The following ZBTB7C variants were observed in gnomAD, a reference collection of about 807,000 sequenced individuals.
ZBTB7C encodes the protein zinc finger and BTB domain-containing protein 7C.
Under a neutral mutation model 25.7 loss-of-function variants are expected in ZBTB7C, and 8 were observed. That is an observed-to-expected ratio of 0.31 (90% CI 0.18 to 0.56). ZBTB7C has a LOEUF of 0.56. Ranked by LOEUF, ZBTB7C falls within the 20% of genes least tolerant of loss-of-function variation. The pLI is 0.91. For synonymous variants in ZBTB7C, 394 were observed against 369.0 expected, an observed-to-expected ratio of 1.07 and a Z score of -0.78; for missense variants, 824 against 855.2, an observed-to-expected ratio of 0.96 and a Z score of 0.46.
At chr18:48,060,348 G>A (rs984607973) in intron 3 of ZBTB7C, among the ~76,000 whole-genome samples, 6 of 152,122 alleles carry the variant, frequency 3.9e-5, no homozygotes, top group East Asian at 1.9e-4. Flanking sequence ...CTTCACTTCC[G>A]CCAACCGAGT....
intron 3 of ZBTB7C, among the ~76,000 whole-genome samples, chr18:48,154,920 T>A (rs2040790403): frequency 6.6e-6 from 1 of 152,208 alleles, no homozygotes; most frequent in African/African-American, 2.4e-5. Flanking sequence ...AGAAGTCAAG[T>A]CTGCATAATA....
intron 1 of ZBTB7C, among the ~76,000 whole-genome samples, chr18:48,350,271 T>C (rs1246661715): frequency 2.0e-5 from 3 of 152,082 alleles, no homozygotes; most frequent in African/African-American, 4.8e-5. Context: ...GGGAGGAACA[T>C]CTCCTTGCCT....
At chr18:48,084,149 C>G (rs2038094375) in intron 3 of ZBTB7C, among the ~76,000 whole-genome samples, 1 of 152,184 alleles carries the variant, frequency 6.6e-6, no homozygotes, top group Non-Finnish European at 1.5e-5. Flanking sequence ...TGGGGCACGT[C>G]TCCTAGCCCC....
chr18:48,162,023 G>T (rs916784436), intron 3 of ZBTB7C, among the ~76,000 whole-genome samples: 6 of 152,062 alleles, frequency 3.9e-5, no homozygotes, highest in Non-Finnish European at 7.4e-5. Context: ...CTGCCCGGGC[G>T]GGCGGGACCC....
intron 3 of ZBTB7C, among the ~76,000 whole-genome samples, chr18:48,048,950 T>C (rs1300546855): frequency 3.3e-5 from 5 of 152,180 alleles, no homozygotes; most frequent in African/African-American, 1.2e-4. Flanking sequence ...ACGAAGCCCA[T>C]GCCCCAGGCC....
At chr18:48,327,623 T>C (rs1352518677) in intron 2 of ZBTB7C, among the ~76,000 whole-genome samples, 1 of 152,160 alleles carries the variant, frequency 6.6e-6, no homozygotes, top group Admixed American at 6.5e-5. Context: ...CAACCTGGCA[T>C]TGCTAAGCCA....
intron 3 of ZBTB7C, among the ~76,000 whole-genome samples, chr18:48,051,285 G>T (rs1444102227): frequency 6.6e-6 from 1 of 152,250 alleles, no homozygotes; most frequent in Non-Finnish European, 1.5e-5. Flanking sequence ...GGGTGAGGAA[G>T]AATGAGGGGA....
rs529329896 is a variant in ZBTB7C, at chr18:48,161,178, C to T, written c.-17+24756G>A. 4.6e-5 allele frequency among the ~76,000 whole-genome samples: 7 copies of T among 151,700 alleles called. No homozygotes were observed. In the East Asian group the frequency reaches 1.4e-3, roughly 30 times the overall value. ...AAGGGGGCTGTGGGGGAGGGAGGGC[C>T]TCCTGGGCTGACTCAAGGTCTCCTT... On this transcript the variant is annotated intron_variant, in intron 3 of 4. Transcript: ENST00000590800.
chr18:48,205,394 T>C (rs559485278), intron 2 of ZBTB7C, among the ~76,000 whole-genome samples: 2 of 151,864 alleles, frequency 1.3e-5, no homozygotes, highest in Non-Finnish European at 2.9e-5. Context: ...ACCTCTACAC[T>C]GAGAAGTACA....
At chr18:48,157,755 A>G (rs2040879857) in intron 3 of ZBTB7C, among the ~76,000 whole-genome samples, 1 of 152,206 alleles carries the variant, frequency 6.6e-6, no homozygotes, top group Non-Finnish European at 1.5e-5. Flanking sequence ...TAATATCTGT[A>G]AAGTGCTTAG....
intron 3 of ZBTB7C, among the ~76,000 whole-genome samples, chr18:48,077,169 G>A (rs1186480237): frequency 2.0e-5 from 3 of 151,942 alleles, no homozygotes; most frequent in Non-Finnish European, 2.9e-5. Flanking sequence ...GTGGGGTGGA[G>A]GAAATGAGGA....
At chr18:48,206,471 A>G (rs1371280969) in intron 2 of ZBTB7C, among the ~76,000 whole-genome samples, 3 of 152,100 alleles carry the variant, frequency 2.0e-5, no homozygotes, top group Non-Finnish European at 4.4e-5. Context: ...TCTGGGCAAT[A>G]TGGTGAAACC....
At chr18:48,270,253 CTTTT>C (rs760096959) in intron 2 of ZBTB7C, among the ~76,000 whole-genome samples, 21 of 98,746 alleles carry the variant, frequency 2.1e-4, no homozygotes, top group South Asian at 3.9e-4. Flanking sequence ...TTCTCTCTTT[CTTTT>C]TTTTTTTTTT....
chr18:48,139,332 C>G (rs1485949497), intron 3 of ZBTB7C, among the ~76,000 whole-genome samples: 1 of 152,122 alleles, frequency 6.6e-6, no homozygotes, highest in Non-Finnish European at 1.5e-5. Context: ...AGGGCAGAGC[C>G]TTGTTTGGAG....
At chr18:48,110,021 A>G (rs987576688) in intron 3 of ZBTB7C, among the ~76,000 whole-genome samples, 1 of 151,554 alleles carries the variant, frequency 6.6e-6, no homozygotes, top group Non-Finnish European at 1.5e-5. Flanking sequence ...ACAGGCCCAT[A>G]GGCAGATAGG....
rs550719030 is a variant in ZBTB7C at position 48,275,217 on chromosome 18, A to AAC, written c.-79+62955_-79+62956dup. Among the ~76,000 whole-genome samples, 57 of 152,326 alleles carry AAC rather than the reference A, an allele frequency of 3.7e-4. 1 individual carries two copies. The highest frequency in any genetic ancestry group is 1.3e-3 in the African/African-American group (55 of 41,578). On this transcript the variant is annotated intron_variant, in intron 2 of 4. Transcript: ENST00000590800. ...TGTTTGCCTAAATAAACCTTGGGAA[A>AAC]ACATATATGCATGCTAATGACTGGC...
intron 2 of ZBTB7C, among the ~76,000 whole-genome samples, chr18:48,227,424 C>T (rs138774836): frequency 4.2e-4 from 64 of 152,318 alleles, no homozygotes; most frequent in South Asian, 1.0e-3. Context: ...TTCCTTTCTG[C>T]CGTCCTCTAG....
chr18:48,250,880 GCTT>G (rs1394102914), intron 2 of ZBTB7C, among the ~76,000 whole-genome samples: 1 of 151,056 alleles, frequency 6.6e-6, no homozygotes, highest in Non-Finnish European at 1.5e-5. Flanking sequence ...ACCCACTAAT[GCTT>G]CTTTTCTTGT....
chr18:48,047,360 C>T (rs2036516330), intron 3 of ZBTB7C, among the ~76,000 whole-genome samples: 1 of 152,004 alleles, frequency 6.6e-6, no homozygotes, highest in Non-Finnish European at 1.5e-5. Flanking sequence ...CACACAGACA[C>T]ACATGAGAAA....
Sources: allele counts gnomAD v4.1 joint callset (sites outside exome capture counted in the v4.1 genomes callset), GRCh38; gene constraint gnomAD v4.1.1; transcripts MANE v1.5; gene names NCBI Gene and HGNC (gene_info 2026-07-23, HGNC 2026-07-21).